Variants in JARID2 observed in about 807,000 individuals in gnomAD.
JARID2 encodes the protein jumonji and AT-rich interaction domain containing 2.
Under a neutral mutation model 125.6 loss-of-function variants are expected in JARID2, and 21 were observed. The ratio of observed to expected loss-of-function variants is 0.17; its 90% CI spans 0.12 to 0.24. The LOEUF (loss-of-function observed/expected upper bound fraction) is 0.24. Ranked by LOEUF, JARID2 falls within the 10% of genes least tolerant of loss-of-function variation. The pLI is 1.00. For synonymous variants in JARID2, 736 were observed against 661.6 expected, an observed-to-expected ratio of 1.11 and a Z score of -1.73; for missense variants, 1,303 against 1,639.6, an observed-to-expected ratio of 0.79 and a Z score of 3.55.
rs894036609 is a variant in JARID2, at chr6:15,521,370, C to G, written c.*1119C>G. On this transcript the variant is annotated 3_prime_UTR_variant, in exon 18 of 18. Coordinates refer to ENST00000341776, the MANE Select transcript of JARID2 (RefSeq NM_004973.4). Reference sequence around the variant, plus strand: ...AAAAAAAAATCCCATCCCTTTTGTACATATGCCTGTAAATTGTTTTAAATA... The same window carrying G: ...AAAAAAAAATCCCATCCCTTTTGTAGATATGCCTGTAAATTGTTTTAAATA... 1.4e-5 allele frequency: 2 copies of G among 146,208 alleles called. No homozygotes were observed. The highest frequency in any genetic ancestry group is 3.0e-5 in the Non-Finnish European group (2 of 67,072). 9.1% of individuals were successfully genotyped at this position (146,208 alleles called of 1,614,324 possible).
intron 2 of JARID2, chr6:15,400,933 A>G (rs77033075): frequency 7.8e-7 from 1 of 1,289,248 alleles, no homozygotes; most frequent in Non-Finnish European, 1.0e-6. Flanking sequence ...GTCTCTCTGC[A>G]ATGATCCGGC....
In JARID2 at chr6:15,421,485, G is replaced by A. The variant is rs190452251; in HGVS notation, c.323+11120G>A. On this transcript the variant is annotated intron_variant, in intron 3 of 17. Coordinates refer to ENST00000341776, the MANE Select transcript of JARID2 (RefSeq NM_004973.4). ...AAAAATTCAAAATTAATAAACATAAGCATTCGGCCTATAATAAAAATAGTA... is the reference window on the plus strand; with the variant it reads ...AAAAATTCAAAATTAATAAACATAAACATTCGGCCTATAATAAAAATAGTA... Among the ~76,000 whole-genome samples the A allele has an allele frequency of 4.0e-3, 597 of 151,026 alleles. 4 individuals are homozygous for A. The highest frequency in any genetic ancestry group is 0.024 in the Middle Eastern group (7 of 286).
intron 1 of JARID2, among the ~76,000 whole-genome samples, chr6:15,295,270 C>T (rs1411692079): frequency 6.6e-6 from 1 of 151,710 alleles, no homozygotes; most frequent in African/African-American, 2.4e-5. Flanking sequence ...TACAGGCGCC[C>T]GCCAACACGC....
chr6:15,432,729 T>A (rs914220207), intron 3 of JARID2, among the ~76,000 whole-genome samples: 1 of 152,202 alleles, frequency 6.6e-6, no homozygotes, highest in East Asian at 1.9e-4. Context: ...TAGGAAGTCC[T>A]TAGGCTCCTT....
intron 2 of JARID2, among the ~76,000 whole-genome samples, chr6:15,388,530 G>A (rs1232892251): frequency 6.6e-6 from 1 of 151,046 alleles, no homozygotes; most frequent in Non-Finnish European, 1.5e-5. Flanking sequence ...CAAGTCTATC[G>A]TTCAAGGAGG....
At chr6:15,366,421 G>A (rs1763975615) in intron 1 of JARID2, among the ~76,000 whole-genome samples, 1 of 148,440 alleles carries the variant, frequency 6.7e-6, no homozygotes, top group Admixed American at 6.9e-5. Flanking sequence ...GGGCATTGGA[G>A]TCAGGAAAAG....
intron 6 of JARID2, 112 bp downstream of exon 6, chr6:15,487,654 G>A: frequency 2.1e-6 from 2 of 950,870 alleles, no homozygotes; most frequent in Non-Finnish European, 3.1e-6. Context: ...GTGATGCCCA[G>A]AAGCAAGACA....
intron 9 of JARID2, among the ~76,000 whole-genome samples, chr6:15,504,836 C>T (rs565854432): frequency 4.6e-5 from 7 of 152,272 alleles, no homozygotes; most frequent in East Asian, 1.9e-4. Flanking sequence ...GTGCAGGGGA[C>T]GGGTTCTGGG....
intron 1 of JARID2, among the ~76,000 whole-genome samples, chr6:15,373,334 T>C (rs1470702681): frequency 6.6e-6 from 1 of 152,242 alleles, no homozygotes; most frequent in Non-Finnish European, 1.5e-5. Flanking sequence ...TCTTTATGAC[T>C]GGAATTGCTG....
chr6:15,446,953 G>A (rs929315569), intron 3 of JARID2, among the ~76,000 whole-genome samples: 12 of 152,028 alleles, frequency 7.9e-5, no homozygotes, highest in African/African-American at 2.7e-4. Flanking sequence ...ACCCAGGGTG[G>A]GTCTCACCCT....
chr6:15,380,915 G>T (rs894664824), intron 2 of JARID2, among the ~76,000 whole-genome samples: 1 of 127,562 alleles, frequency 7.8e-6, no homozygotes, highest in Non-Finnish European at 1.7e-5. Flanking sequence ...GAATGTCTGG[G>T]GTATAAAGTG....
intron 3 of JARID2, among the ~76,000 whole-genome samples, chr6:15,416,605 G>A (rs866258869): frequency 6.6e-6 from 1 of 152,128 alleles, no homozygotes; most frequent in Non-Finnish European, 1.5e-5. Flanking sequence ...GGAGAATCAG[G>A]CAGGGAGGCT....
At chr6:15,266,011 A>G (rs1760070266) in intron 1 of JARID2, among the ~76,000 whole-genome samples, 1 of 152,158 alleles carries the variant, frequency 6.6e-6, no homozygotes, top group South Asian at 2.1e-4. Context: ...AAAGGTCCCA[A>G]AGTGCTCTCT....
At chr6:15,510,366 T>C (rs1408102370) in intron 12 of JARID2, among the ~76,000 whole-genome samples, 1 of 152,150 alleles carries the variant, frequency 6.6e-6, no homozygotes, top group African/African-American at 2.4e-5. Flanking sequence ...ATTCATGCTG[T>C]GAGCCTGACA....
chr6:15,318,045 G>A lies in JARID2; in HGVS notation c.46-56072G>A, dbSNP rs187088346. Among the ~76,000 whole-genome samples the A allele has an allele frequency of 5.5e-4, 83 of 152,268 alleles. 1 individual carries two copies. Among genetic ancestry groups the A allele is most frequent in the Non-Finnish European group, 7.3e-5 (5 of 68,028 alleles). On this transcript the variant is annotated intron_variant, in intron 1 of 17. Coordinates refer to ENST00000341776, the MANE Select transcript of JARID2 (RefSeq NM_004973.4). ...TTGCTCCAGATTAGTGAATATATCAGCTGTGAGAATAAGAGTGATTAAAGC... is the reference window on the plus strand; with the variant it reads ...TTGCTCCAGATTAGTGAATATATCAACTGTGAGAATAAGAGTGATTAAAGC...
intron 1 of JARID2, among the ~76,000 whole-genome samples, chr6:15,314,062 T>C (rs2127431206): frequency 6.6e-6 from 1 of 152,276 alleles, no homozygotes; most frequent in Admixed American, 6.5e-5. Context: ...CTTCCAATTC[T>C]GGGTAGCCAT....
At chr6:15,257,777 T>C (rs1759722611) in intron 1 of JARID2, among the ~76,000 whole-genome samples, 1 of 152,218 alleles carries the variant, frequency 6.6e-6, no homozygotes, top group South Asian at 2.1e-4. Context: ...TAAAAAACAA[T>C]ACAGGCATTT....
At chr6:15,424,542 G>C (rs771002112) in intron 3 of JARID2, among the ~76,000 whole-genome samples, 1 of 152,200 alleles carries the variant, frequency 6.6e-6, no homozygotes, top group Non-Finnish European at 1.5e-5. Flanking sequence ...ATTTTGCAGA[G>C]TGGCTCTGTT....
intron 12 of JARID2, chr6:15,509,133 C>T: frequency 7.8e-7 from 1 of 1,288,424 alleles, no homozygotes; most frequent in Non-Finnish European, 1.0e-6. Context: ...TCACTGTAGC[C>T]ATCCCTGATT....
Sources: gnomAD v4.1 joint callset for allele counts (sites outside exome capture counted in the v4.1 genomes callset) on GRCh38, gnomAD v4.1.1 for gene constraint, MANE v1.5 for transcripts, NCBI Gene and HGNC (gene_info 2026-07-23, HGNC 2026-07-21) for gene names.